The following MTRES1 variants were observed in gnomAD, a reference collection of about 807,000 sequenced individuals.
MTRES1 encodes the protein mitochondrial transcription rescue factor 1.
In MTRES1, 11 loss-of-function variants were observed where a neutral mutation model predicts 17.4. The ratio of observed to expected loss-of-function variants is 0.63; its 90% confidence interval spans 0.40 to 1.05. MTRES1 has a LOEUF of 1.05. Among genes scored for constraint, MTRES1 ranks in the 50% least tolerant of loss-of-function variants. MTRES1 has a pLI of 0.00. For missense variants in MTRES1, 268 were observed against 276.2 expected (o/e 0.97, Z 0.21); for synonymous variants, 94 against 99.6 (o/e 0.94, Z 0.34).
At chr6:107,034,648 G>C (rs1163289255) in intron 1 of MTRES1, among the ~76,000 whole-genome samples, 1 of 152,148 alleles carries the variant, frequency 6.6e-6, no homozygotes, top group Non-Finnish European at 1.5e-5. Context: ...ATGAGTTAAC[G>C]TGTAGAGCAA....
In MTRES1 at chr6:107,040,173, C is replaced by G. The variant is rs1554227512; in HGVS notation, c.413C>G (p.Ala138Gly). Residue 138 changes from alanine to glycine, a missense_variant, in exon 2 of 4, where the codon GCA becomes GGA. By Grantham distance (60) the Ala-to-Gly change is moderately conservative (BLOSUM62 0). Coordinates refer to ENST00000311381, the MANE Select transcript of MTRES1 (RefSeq NM_016487.5). Reference sequence around the variant, plus strand: ...AAAAACTATAAAGACCTGGAAAAAGCAGTTCAGTCTTTTCGGTATGATGTT... The same window carrying G: ...AAAAACTATAAAGACCTGGAAAAAGGAGTTCAGTCTTTTCGGTATGATGTT... Reference protein sequence around the residue: ...VVKNYKDLEKAVQSFRYDVVL... With the variant: ...VVKNYKDLEKGVQSFRYDVVL... The G allele has an allele frequency of 6.2e-7, 1 of 1,611,126 alleles. No individual in the cohort carries two copies. The highest frequency in any genetic ancestry group is 1.7e-5 in the Admixed American group (1 of 59,292).
chr6:107,043,133 C>T (rs868988151), intron 2 of MTRES1, among the ~76,000 whole-genome samples: 1 of 151,934 alleles, frequency 6.6e-6, no homozygotes, highest in African/African-American at 2.4e-5. Context: ...AGATCGAGAC[C>T]ATCCTGGCTA....
intron 3 of MTRES1, among the ~76,000 whole-genome samples, chr6:107,044,960 C>A (rs1774341414): frequency 6.6e-6 from 1 of 152,022 alleles, no homozygotes; most frequent in Non-Finnish European, 1.5e-5. Context: ...GAGCTGAGGC[C>A]AGCAGATCGC....
rs1554227503 is a variant in MTRES1, at chr6:107,040,144, A to G, written c.384A>G (p.Val128=). The part of the protein sequence containing the change: ...QEEELEDDPT[V]VKNYKDLEKA... ...AGGAGCTTGAGGATGATCCTACTGT[A>G]GTCAAAAACTATAAAGACCTGGAAA... is the stretch of plus-strand genomic sequence containing the variant. Residue 128 remains valine, a synonymous_variant, in exon 2 of 4, where the codon GTA becomes GTG. Transcript: ENST00000311381. 3.1e-6 allele frequency: 5 copies of G among 1,613,592 alleles called. No individual in the cohort carries two copies. In the African/African-American group the frequency reaches 4.0e-5, roughly 13 times the overall value.
chr6:107,050,944 A>C (rs1582623929), intron 3 of MTRES1, 113 bp from the exon 4 acceptor site: 1 of 848,854 alleles, frequency 1.2e-6, no homozygotes, highest in Non-Finnish European at 1.9e-6. Context: ...GCCTTTACTC[A>C]CCTGCCCCTC....
At chr6:107,034,541 A>G (rs1773945400) in intron 1 of MTRES1, among the ~76,000 whole-genome samples, 1 of 152,162 alleles carries the variant, frequency 6.6e-6, no homozygotes, top group South Asian at 2.1e-4. Flanking sequence ...ACAGTTCAGC[A>G]TGGTAGTAAT....
chr6:107,049,982 A>G (rs1554228959), intron 3 of MTRES1, among the ~76,000 whole-genome samples: 2 of 152,128 alleles, frequency 1.3e-5, no homozygotes, highest in African/African-American at 2.4e-5. Context: ...TGGCCTCCCA[A>G]AGTGCTGGGA....
At position 107,036,704 on chromosome 6, in the gene MTRES1, G is replaced by A. The variant is rs1266259852; in HGVS notation, c.-12-3045G>A. Among the ~76,000 whole-genome samples the A allele has an allele frequency of 3.3e-5, 5 of 151,924 alleles. No individual in the cohort carries two copies. The South Asian group carries it at 6.2e-4, about 19-fold the overall frequency. On this transcript the variant is annotated intron_variant, in intron 1 of 3. Coordinates refer to ENST00000311381, the MANE Select transcript of MTRES1 (RefSeq NM_016487.5). ...AAAAATACAAAAAAATTAGTTGGGC[G>A]TGGTGGTGGGCACCTGTAGTCCCAG...
intron 2 of MTRES1, among the ~76,000 whole-genome samples, chr6:107,041,825 C>T (rs1033954338): frequency 2.0e-5 from 3 of 151,942 alleles, no homozygotes; most frequent in Non-Finnish European, 4.4e-5. Flanking sequence ...CCGCGCCTGG[C>T]GAAGATTTCT....
In MTRES1 at chr6:107,051,177, A is replaced by AGG. The variant is rs1554229176; in HGVS notation, c.665_666insGG (p.Val223GlufsTer10). 11 of 1,614,200 alleles carry AGG rather than the reference A, an allele frequency of 6.8e-6. No homozygotes were observed. The highest frequency in any genetic ancestry group is 8.5e-7 in the Non-Finnish European group (1 of 1,180,030). On this transcript the variant is annotated frameshift_variant, in exon 4 of 4. Coordinates refer to ENST00000311381, the MANE Select transcript of MTRES1 (RefSeq NM_016487.5). LOFTEE classifies it high-confidence loss of function. ...AGAGAAGACTGAAAGTGAAAAATAC[A>AGG]GAGTGGTGTTACGGCGGTGGAAAAG...
At chr6:107,032,160 G>A (rs1417517610) in intron 1 of MTRES1, among the ~76,000 whole-genome samples, 1 of 152,118 alleles carries the variant, frequency 6.6e-6, no homozygotes, top group Non-Finnish European at 1.5e-5. Flanking sequence ...GGGAGGAGTG[G>A]AGGCAAGAGG....
In MTRES1 at chr6:107,040,052, C is replaced by G. The variant is rs1554227463; in HGVS notation, c.292C>G (p.Leu98Val). 1.2e-6 allele frequency: 2 copies of G among 1,613,174 alleles called. No individual in the cohort carries two copies. The highest frequency in any genetic ancestry group is 2.7e-5 in the African/African-American group (2 of 74,840). The change falls in exon 2 of 4, where the codon CTG becomes GTG. Residue 98 changes from leucine (L) to valine (V), a missense_variant. Transcript: ENST00000311381. ...GTCTACAAAATCTACTAAAAAGTCTCTGCAAAAAGTAGATGAAGAGGACTC... is the reference window on the plus strand; with the variant it reads ...GTCTACAAAATCTACTAAAAAGTCTGTGCAAAAAGTAGATGAAGAGGACTC... ...IRSTKSTKKS[L>V]QKVDEEDSDE...
At chr6:107,029,353 A>T (rs1230667697) in intron 1 of MTRES1, among the ~76,000 whole-genome samples, 1 of 151,326 alleles carries the variant, frequency 6.6e-6, no homozygotes, top group Non-Finnish European at 1.5e-5. Context: ...ACGCCCGGCT[A>T]ATTTTTTGTA....
chr6:107,042,213 G>A (rs543563421), intron 2 of MTRES1, among the ~76,000 whole-genome samples: 36 of 151,812 alleles, frequency 2.4e-4, no homozygotes, highest in African/African-American at 7.5e-4. Flanking sequence ...GGTGGCAGGC[G>A]CCTGTGGTTC....
At chr6:107,029,497 T>TG (rs1554226178) in intron 1 of MTRES1, among the ~76,000 whole-genome samples, 1 of 118,342 alleles carries the variant, frequency 8.5e-6, no homozygotes, top group Non-Finnish European at 1.7e-5. Context: ...TGTTTTGTTG[T>TG]TTTTTTTTTT....
At chr6:107,034,628 C>T (rs1554226758) in intron 1 of MTRES1, among the ~76,000 whole-genome samples, 1 of 152,092 alleles carries the variant, frequency 6.6e-6, no homozygotes, top group Non-Finnish European at 1.5e-5. Context: ...GGGCTTGTCG[C>T]AAGGAACAAA....
intron 1 of MTRES1, among the ~76,000 whole-genome samples, chr6:107,038,285 T>C (rs1325886064): frequency 6.6e-6 from 1 of 152,152 alleles, no homozygotes; most frequent in Admixed American, 6.6e-5. Context: ...AGGAAAGTCA[T>C]TTGCAGACTC....
At position 107,051,275 on chromosome 6, in the gene MTRES1, T is replaced by TA. The variant is rs1218436205; in HGVS notation, c.*42dup. 2.0e-6 allele frequency: 3 copies of TA among 1,515,272 alleles called. No homozygotes were observed. The African/African-American group carries it at 4.2e-5, about 21-fold the overall frequency. The allele number at this position is 1,515,272 out of a possible 1,614,324, so 93.9% of individuals were successfully genotyped here. A position where few individuals can be genotyped will look rare whatever the true frequency, so the allele number is the denominator to read the frequency against. Reference sequence around the variant, plus strand: ...TAGCAATAGAGCTGCTTTCTAGTGGTAAAGGAAGGGGTCACCTGAAAAATA... The same window carrying TA: ...TAGCAATAGAGCTGCTTTCTAGTGGTAAAAGGAAGGGGTCACCTGAAAAATA... On this transcript the variant is annotated 3_prime_UTR_variant, in exon 4 of 4. Coordinates refer to ENST00000311381, the MANE Select transcript of MTRES1 (RefSeq NM_016487.5).
At chr6:107,045,090 C>A (rs879954495) in intron 3 of MTRES1, among the ~76,000 whole-genome samples, 1 of 151,722 alleles carries the variant, frequency 6.6e-6, no homozygotes, top group South Asian at 2.1e-4. Context: ...GAGGCTGAGA[C>A]GGGAGGATTA....
Sources: gnomAD v4.1 joint callset for allele counts (sites outside exome capture counted in the v4.1 genomes callset) on GRCh38, gnomAD v4.1.1 for gene constraint, MANE v1.5 for transcripts, NCBI Gene and HGNC (gene_info 2026-07-23, HGNC 2026-07-21) for gene names.